KPNA3: variants seen among roughly 807,000 people sequenced by gnomAD.
The protein encoded by KPNA3 is karyopherin subunit alpha 3, also known as importin subunit alpha-4.
Under a neutral mutation model 73.8 loss-of-function variants are expected in KPNA3, and 13 were observed. That is an observed-to-expected ratio of 0.18 (90% CI 0.11 to 0.28). The LOEUF (loss-of-function observed/expected upper bound fraction) is 0.28. Among genes scored for constraint, KPNA3 ranks in the 10% least tolerant of loss-of-function variants. The pLI is 1.00. For synonymous variants in KPNA3, 186 were observed against 206.9 expected (o/e 0.90, Z 0.87); for missense variants, 360 against 618.1 (o/e 0.58, Z 4.43).
At chr13:49,779,404 C>T (rs552597605) in intron 1 of KPNA3, among the ~76,000 whole-genome samples, 1 of 152,196 alleles carries the variant, frequency 6.6e-6, no homozygotes, top group African/African-American at 2.4e-5. Flanking sequence ...GTTCCAGTTT[C>T]CCTACCCCTA....
intron 11 of KPNA3, among the ~76,000 whole-genome samples, 169 bp from the exon 12 acceptor site, chr13:49,709,869 C>T (rs770456042): frequency 6.6e-6 from 1 of 151,020 alleles, no homozygotes; most frequent in South Asian, 2.1e-4. Flanking sequence ...TAAATAGTCT[C>T]TTGTGAAAAA....
At chr13:49,772,925 A>G (rs1392362667) in intron 1 of KPNA3, among the ~76,000 whole-genome samples, 1 of 152,232 alleles carries the variant, frequency 6.6e-6, no homozygotes, top group African/African-American at 2.4e-5. Flanking sequence ...ATAGCTTTAT[A>G]AACAAATATT....
intron 6 of KPNA3, among the ~76,000 whole-genome samples, chr13:49,730,253 C>A (rs908464257): frequency 6.6e-6 from 1 of 152,082 alleles, no homozygotes; most frequent in Non-Finnish European, 1.5e-5. Flanking sequence ...GGGCCCTAGG[C>A]CGGGCCCAGT....
rs946977586 is a variant in KPNA3, at chr13:49,772,916, T to C, written c.69+19522A>G. On this transcript the variant is annotated intron_variant, in intron 1 of 16. Coordinates refer to ENST00000261667, the MANE Select transcript of KPNA3 (RefSeq NM_002267.4). ...TGTACTGATCCAAAAGACATACACA[T>C]AGCTTTATAAACAAATATTCATAGC... is the stretch of plus-strand genomic sequence containing the variant. 3.9e-5 allele frequency among the ~76,000 whole-genome samples: 6 copies of C among 152,258 alleles called. No individual in the cohort carries two copies. The East Asian group carries it at 1.2e-3, about 29-fold the overall frequency.
chr13:49,768,951 G>A (rs1181602792), intron 1 of KPNA3, among the ~76,000 whole-genome samples: 1 of 152,032 alleles, frequency 6.6e-6, no homozygotes, highest in Admixed American at 6.5e-5. Flanking sequence ...TAAGGTTGTG[G>A]TATTCTTCAC....
chr13:49,742,860 G>A (rs1395036633), intron 2 of KPNA3, among the ~76,000 whole-genome samples: 1 of 152,040 alleles, frequency 6.6e-6, no homozygotes, highest in Non-Finnish European at 1.5e-5. Context: ...GAGTAGCACG[G>A]CCTATATCTG....
chr13:49,783,423 C>T lies in KPNA3; in HGVS notation c.69+9015G>A, dbSNP rs560224063. Reference sequence around the variant, plus strand: ...TCACCTCCACTTGAAAATGAGAATACAGTCCTCCCTCTGTATCCTCGGGGG... The same window carrying T: ...TCACCTCCACTTGAAAATGAGAATATAGTCCTCCCTCTGTATCCTCGGGGG... On this transcript the variant is annotated intron_variant, in intron 1 of 16. Transcript: ENST00000261667. 1.6e-4 allele frequency among the ~76,000 whole-genome samples: 25 copies of T among 152,166 alleles called. No homozygotes were observed. In the South Asian group the frequency reaches 5.0e-3, roughly 30 times the overall value.
chr13:49,764,621 G>A (rs1594456289), intron 1 of KPNA3, among the ~76,000 whole-genome samples: 1 of 152,050 alleles, frequency 6.6e-6, no homozygotes, highest in Non-Finnish European at 1.5e-5. Flanking sequence ...AGTGCAAGAG[G>A]TGGCTAGCTG....
chr13:49,754,244 T>G (rs908758714), intron 1 of KPNA3, among the ~76,000 whole-genome samples: 4 of 152,034 alleles, frequency 2.6e-5, no homozygotes, highest in African/African-American at 4.8e-5. Context: ...GAGGCTGCAA[T>G]GAACTGAGAT....
At position 49,701,709 on chromosome 13, in the gene KPNA3, G is replaced by T; in HGVS notation, c.*91C>A. 1.2e-6 allele frequency: 1 copy of T among 842,766 alleles called. No individual in the cohort carries two copies. Among genetic ancestry groups the T allele is most frequent in the Non-Finnish European group, 2.1e-6 (1 of 481,126 alleles). 52.2% of individuals were successfully genotyped at this position (842,766 alleles called of 1,614,324 possible). A position where few individuals can be genotyped will look rare whatever the true frequency, so the allele number is the denominator to read the frequency against. On this transcript the variant is annotated 3_prime_UTR_variant, in exon 17 of 17. Coordinates refer to ENST00000261667, the MANE Select transcript of KPNA3 (RefSeq NM_002267.4). ...CAAAACAAAGAGGCATGTGTGTTTT[G>T]GAGCCTTTTGTTGCTGTTGTTCTTA...
At chr13:49,716,033 T>C (rs1198874251) in intron 10 of KPNA3, among the ~76,000 whole-genome samples, 1 of 152,060 alleles carries the variant, frequency 6.6e-6, no homozygotes, top group East Asian at 1.9e-4. Context: ...AATATAATAA[T>C]GAAATTGTAG....
chr13:49,715,476 G>A (rs1954296016), intron 10 of KPNA3, among the ~76,000 whole-genome samples: 1 of 152,106 alleles, frequency 6.6e-6, no homozygotes. Context: ...CCTATCAGAT[G>A]AGCAAAAATT....
At chr13:49,791,179 TC>T (rs1303026496) in intron 1 of KPNA3, among the ~76,000 whole-genome samples, 8 of 152,248 alleles carry the variant, frequency 5.3e-5, no homozygotes, top group African/African-American at 1.7e-4. Context: ...TGTCTGTTTC[TC>T]TACAAAATAG....
chr13:49,732,827 T>C, intron 3 of KPNA3, 51 bp from the exon 4 acceptor site: 2 of 1,433,460 alleles, frequency 1.4e-6, no homozygotes, highest in African/African-American at 2.9e-5. Flanking sequence ...CAAAATTACA[T>C]TCATTAAACA....
chr13:49,784,033 G>A (rs775683135), intron 1 of KPNA3, among the ~76,000 whole-genome samples: 14 of 152,106 alleles, frequency 9.2e-5, no homozygotes, highest in Non-Finnish European at 1.8e-4. Context: ...AGGGAGGACT[G>A]CTTGAGGACA....
intron 1 of KPNA3, among the ~76,000 whole-genome samples, chr13:49,750,617 G>C (rs1288088031): frequency 2.0e-5 from 3 of 151,702 alleles, no homozygotes; most frequent in African/African-American, 7.3e-5. Context: ...AGGTAACAGA[G>C]TGAAACCCTG....
At chr13:49,733,334 C>G (rs1174533818) in intron 2 of KPNA3, among the ~76,000 whole-genome samples, 3 of 138,980 alleles carry the variant, frequency 2.2e-5, no homozygotes, top group Non-Finnish European at 3.0e-5. Flanking sequence ...GTCACCCAGT[C>G]TGGAGTGCAG....
At chr13:49,763,239 AT>A (rs1166669715) in intron 1 of KPNA3, among the ~76,000 whole-genome samples, 17 of 152,196 alleles carry the variant, frequency 1.1e-4, no homozygotes, top group African/African-American at 3.9e-4. Context: ...ATATGAAAAA[AT>A]AATTATTAAG....
chr13:49,767,320 G>A (rs1275661904), intron 1 of KPNA3, among the ~76,000 whole-genome samples: 1 of 151,410 alleles, frequency 6.6e-6, no homozygotes, highest in East Asian at 1.9e-4. Context: ...AGGAGGCTGA[G>A]GCAGAATTGC....
Sources: allele counts gnomAD v4.1 joint callset (sites outside exome capture counted in the v4.1 genomes callset), GRCh38; gene constraint gnomAD v4.1.1; transcripts MANE v1.5; gene names NCBI Gene and HGNC (gene_info 2026-07-23, HGNC 2026-07-21).